FOCAD: variants seen among roughly 807,000 people sequenced by gnomAD.
FOCAD encodes the protein focadhesin, also known as KIAA1797.
FOCAD carries 198 observed loss-of-function variants against 225.6 expected under a neutral mutation model. The ratio of observed to expected loss-of-function variants is 0.88; its 90% CI spans 0.78 to 0.99. The LOEUF (loss-of-function observed/expected upper bound fraction) is 0.99. FOCAD is among the 50% of genes least tolerant of loss of function. The probability of loss-of-function intolerance (pLI) is 0.00; values close to 1 mark genes in which losing one functional copy is unlikely to be tolerated. For missense variants in FOCAD, 2,713 were observed against 2,123.6 expected (o/e 1.28, Z -5.46); for synonymous variants, 897 against 755.0 (o/e 1.19, Z -3.08).
chr9:20,726,182 T>C (rs1826181222), intron 4 of FOCAD: 1 of 152,254 alleles, frequency 6.6e-6, no homozygotes, highest in South Asian at 2.1e-4. Context: ...TGTTTGTTTT[T>C]GTCTTTACAT....
rs1302543354 is a variant in FOCAD, at chr9:20,923,847, A to G, written c.2961+79A>G. On this transcript the variant is annotated intron_variant, in intron 25 of 43. Coordinates refer to ENST00000338382, the MANE Select transcript of FOCAD (RefSeq NM_001375567.1). ...CTTTAGGTAGCCTGGCCCTGGGCTT[A>G]CAAGGTTAGATTCTGTGATTATGGC... 8.5e-6 allele frequency: 9 copies of G among 1,062,600 alleles called. No individual in the cohort carries two copies. In the East Asian group the frequency reaches 2.0e-4, roughly 24 times the overall value. The allele number at this position is 1,062,600 out of a possible 1,614,324, so 65.8% of individuals were successfully genotyped here.
At chr9:20,889,815 G>A (rs916799152) in intron 21 of FOCAD, among the ~76,000 whole-genome samples, 1 of 152,060 alleles carries the variant, frequency 6.6e-6, no homozygotes, top group Non-Finnish European at 1.5e-5. Context: ...TGAATTTGTA[G>A]GTCAACTTGA....
chr9:20,741,503 T>G (rs1215969870), intron 5 of FOCAD, among the ~76,000 whole-genome samples: 1 of 152,138 alleles, frequency 6.6e-6, no homozygotes, highest in African/African-American at 2.4e-5. Context: ...ATTTGCATTT[T>G]ATATTTTTTC....
chr9:20,784,363 A>G (rs1053946632), intron 10 of FOCAD, among the ~76,000 whole-genome samples: 3 of 152,238 alleles, frequency 2.0e-5, no homozygotes, highest in African/African-American at 7.2e-5. Flanking sequence ...CAGAGGGCAA[A>G]GGAGAAATGT....
intron 34 of FOCAD, among the ~76,000 whole-genome samples, chr9:20,952,265 C>A (rs1251965571): frequency 1.3e-5 from 2 of 152,036 alleles, no homozygotes; most frequent in Non-Finnish European, 2.9e-5. Flanking sequence ...TCATCTTATA[C>A]CCAGGTTCTT....
rs541099511 is a variant in FOCAD, at chr9:20,782,614, A to G, written c.1197+685A>G. 4.6e-5 allele frequency among the ~76,000 whole-genome samples: 7 copies of G among 152,222 alleles called. No homozygotes were observed. The East Asian group carries it at 1.4e-3, about 29-fold the overall frequency. On this transcript the variant is annotated intron_variant, in intron 10 of 43. Transcript: ENST00000338382. ...CAGACTTTTTTTGTTTTGATATTTG[A>G]GTTTTGCCTTTATCAAAATGAAACA...
At chr9:20,736,274 C>T (rs1191814714) in intron 4 of FOCAD, among the ~76,000 whole-genome samples, 1 of 152,018 alleles carries the variant, frequency 6.6e-6, no homozygotes, top group African/African-American at 2.4e-5. Flanking sequence ...TTTCAGAAAT[C>T]TTGCTTAGTA....
intron 15 of FOCAD, among the ~76,000 whole-genome samples, chr9:20,836,078 T>C (rs1232020201): frequency 6.6e-6 from 1 of 151,998 alleles, no homozygotes; most frequent in Non-Finnish European, 1.5e-5. Context: ...GTCCCTGCCC[T>C]CTCTCATCAT....
intron 14 of FOCAD, among the ~76,000 whole-genome samples, chr9:20,822,258 C>G (rs978933235): frequency 6.6e-6 from 1 of 151,914 alleles, no homozygotes. Flanking sequence ...AAAATTATTT[C>G]CACTTGTGGG....
chr9:20,793,449 G>T (rs1820746190), intron 11 of FOCAD, among the ~76,000 whole-genome samples: 1 of 152,092 alleles, frequency 6.6e-6, no homozygotes, highest in Non-Finnish European at 1.5e-5. Flanking sequence ...TAATTTCTTG[G>T]CATTCCTGGG....
At chr9:20,739,836 A>T (rs1827463564) in intron 4 of FOCAD, among the ~76,000 whole-genome samples, 1 of 152,004 alleles carries the variant, frequency 6.6e-6, no homozygotes, top group Admixed American at 6.6e-5. Context: ...TCCCTGGCCC[A>T]CTTTTTAGAG....
chr9:20,700,673 C>A (rs1374991160), intron 1 of FOCAD, among the ~76,000 whole-genome samples: 2 of 152,168 alleles, frequency 1.3e-5, no homozygotes, highest in East Asian at 3.9e-4. Context: ...CTACTTCTGG[C>A]TGTTATTTAT....
In FOCAD at chr9:20,758,112, AC is replaced by A; in HGVS notation, c.416del (p.Thr139MetfsTer17). 19 of 1,609,772 alleles carry A rather than the reference AC, an allele frequency of 1.2e-5. No individual in the cohort carries two copies. Among genetic ancestry groups the A allele is most frequent in the Non-Finnish European group, 1.6e-5 (19 of 1,178,490 alleles). On this transcript the variant is annotated frameshift_variant, in exon 6 of 44. Coordinates refer to ENST00000338382, the MANE Select transcript of FOCAD (RefSeq NM_001375567.1). LOFTEE classifies it high-confidence loss of function. Reference protein sequence around the residue: ...TIRNHPHPLITVLEHRPDCWP... With the variant: ...TIRNHPHPLIXVLEHRPDCWP... Reference sequence around the variant, plus strand: ...CAGAAATCATCCTCATCCTTTGATAACTGTGCTTGAACACAGACCTGATTGC... The same window carrying A: ...CAGAAATCATCCTCATCCTTTGATAATGTGCTTGAACACAGACCTGATTGC...
chr9:20,767,135 C>G (rs1265464969), intron 7 of FOCAD, among the ~76,000 whole-genome samples: 3 of 149,312 alleles, frequency 2.0e-5, no homozygotes, highest in South Asian at 2.1e-4. Context: ...TCATCCATGT[C>G]CCTACAAAGG....
chr9:20,934,886 AT>A (rs1474721057), intron 28 of FOCAD, among the ~76,000 whole-genome samples: 1 of 152,208 alleles, frequency 6.6e-6, no homozygotes, highest in Non-Finnish European at 1.5e-5. Context: ...GCAAAAAAAA[AT>A]AATAAGATAC....
chr9:20,973,027 G>T (rs1208941677), intron 35 of FOCAD, among the ~76,000 whole-genome samples: 3 of 150,132 alleles, frequency 2.0e-5, no homozygotes, highest in African/African-American at 7.3e-5. Flanking sequence ...ATCTGCTGAT[G>T]TGGCCTCTGC....
At position 20,715,389 on chromosome 9, in the gene FOCAD, A is replaced by G; in HGVS notation, c.36A>G (p.Pro12=). Residue 12 remains proline (P), a synonymous_variant, in exon 2 of 44, where the codon CCA becomes CCG. Coordinates refer to ENST00000338382, the MANE Select transcript of FOCAD (RefSeq NM_001375567.1). ...ATATCAGGAAAAGGTTTGAATTTCCAAATTCTCTTATCCAATCACAGGTAA... is the reference window on the plus strand; with the variant it reads ...ATATCAGGAAAAGGTTTGAATTTCCGAATTCTCTTATCCAATCACAGGTAA... ...SDDIRKRFEF[P]NSLIQSQAVG... 1 of 1,524,124 alleles carries G rather than the reference A, an allele frequency of 6.6e-7. No homozygotes were observed. Among genetic ancestry groups the G allele is most frequent in the Non-Finnish European group, 8.9e-7 (1 of 1,128,948 alleles). 94.4% of individuals were successfully genotyped at this position (1,524,124 alleles called of 1,614,324 possible). A position where few individuals can be genotyped will look rare whatever the true frequency, so the allele number is the denominator to read the frequency against.
At chr9:20,814,100 T>C (rs1823383697) in intron 11 of FOCAD, among the ~76,000 whole-genome samples, 1 of 152,216 alleles carries the variant, frequency 6.6e-6, no homozygotes, top group African/African-American at 2.4e-5. Flanking sequence ...GTGAGTCTTT[T>C]GTAGACGTTA....
chr9:20,769,028 C>A (rs1229402969), intron 7 of FOCAD, among the ~76,000 whole-genome samples: 2 of 152,044 alleles, frequency 1.3e-5, no homozygotes, highest in African/African-American at 4.8e-5. Context: ...AATATATTGT[C>A]AAGTAAACAT....
Sources: allele counts gnomAD v4.1 joint callset (sites outside exome capture counted in the v4.1 genomes callset), GRCh38; gene constraint gnomAD v4.1.1; transcripts MANE v1.5; gene names NCBI Gene and HGNC (gene_info 2026-07-23, HGNC 2026-07-21).